Variants in CRYBG1 observed in about 807,000 individuals in gnomAD.
CRYBG1 encodes crystallin beta-gamma domain containing 1.
Under a neutral mutation model 189.2 loss-of-function variants are expected in CRYBG1, and 139 were observed. The ratio of observed to expected loss-of-function variants is 0.73; its 90% CI spans 0.64 to 0.85. The LOEUF (loss-of-function observed/expected upper bound fraction) is 0.85, where lower values mean the gene tolerates loss of function less well. Ranked by LOEUF, CRYBG1 falls within the 40% of genes least tolerant of loss-of-function variation. The probability of loss-of-function intolerance (pLI) is 0.00; values close to 1 mark genes in which losing one functional copy is unlikely to be tolerated. For synonymous variants in CRYBG1, 1,023 were observed against 1,017.1 expected (o/e 1.01, Z -0.11); for missense variants, 2,611 against 2,675.8 (o/e 0.98, Z 0.53).
Position 106,555,864 on chromosome 6 carries a change from A to G in CRYBG1, c.5682A>G (p.Gly1894=). The G allele has an allele frequency of 6.2e-7, 1 of 1,614,196 alleles. No individual in the cohort carries two copies. The highest frequency in any genetic ancestry group is 8.5e-7 in the Non-Finnish European group (1 of 1,180,018). ...PCLSAMGCPP[G]ATFKSLRFID... is the part of the protein sequence containing the mutation. ...TGTCTGCAATGGGATGCCCGCCTGG[A>G]GCAACTTTCAAGTCTCTTCGTTTTA... is the stretch of plus-strand genomic sequence containing the variant. Residue 1894 remains glycine (G), a synonymous_variant, in exon 17 of 22, where the codon GGA becomes GGG. Transcript: ENST00000633556.
At chr6:106,504,186 C>T (rs1000549812) in intron 2 of CRYBG1, among the ~76,000 whole-genome samples, 2 of 152,100 alleles carry the variant, frequency 1.3e-5, no homozygotes, top group Non-Finnish European at 2.9e-5. Flanking sequence ...TTAGAAGCAG[C>T]ATGGGGCAAG....
At chr6:106,386,496 A>T (rs144476100) in intron 1 of CRYBG1, among the ~76,000 whole-genome samples, 617 of 152,310 alleles carry the variant, frequency 4.1e-3, no homozygotes, top group Non-Finnish European at 7.4e-3. Context: ...TAGGGTTTTG[A>T]TATGAGTCTG....
At chr6:106,495,192 G>A (rs1772817977) in intron 2 of CRYBG1, among the ~76,000 whole-genome samples, 1 of 152,170 alleles carries the variant, frequency 6.6e-6, no homozygotes, top group African/African-American at 2.4e-5. Flanking sequence ...GTCAGTGTCT[G>A]TCATTCAGCT....
At chr6:106,525,458 C>A in intron 6 of CRYBG1, 72 bp downstream of exon 6, 1 of 1,159,352 alleles carries the variant, frequency 8.6e-7, no homozygotes, top group Non-Finnish European at 1.3e-6. Flanking sequence ...TTTTAGTCCT[C>A]ACTACTAGTT....
Position 106,431,066 on chromosome 6 carries a change from C to A in CRYBG1, c.174-20628C>A, listed in dbSNP as rs183682437. Among the ~76,000 whole-genome samples the A allele has an allele frequency of 5.9e-5, 9 of 151,962 alleles. No individual in the cohort carries two copies. In the East Asian group the frequency reaches 1.7e-3, roughly 29 times the overall value. On this transcript the variant is annotated intron_variant, in intron 1 of 21. Coordinates refer to ENST00000633556, the MANE Select transcript of CRYBG1 (RefSeq NM_001371242.2). ...TAGTAGAGATGGGGTTTCACCATGT[C>A]AGCCAGGCTGGTCTCAAACTCCTGA...
chr6:106,451,669 A>T, intron 1 of CRYBG1, 25 bp from the exon 2 acceptor site: 1 of 1,526,610 alleles, frequency 6.6e-7, no homozygotes, highest in Non-Finnish European at 8.8e-7. Flanking sequence ...GTGTATTGAC[A>T]TGACTGTGGT....
In CRYBG1 at chr6:106,388,141, A is replaced by G. The variant is rs1468099626; in HGVS notation, c.173+27060A>G. Among the ~76,000 whole-genome samples, 4 of 152,304 alleles carry G rather than the reference A, an allele frequency of 2.6e-5. No homozygotes were observed. The East Asian group carries it at 5.8e-4, about 22-fold the overall frequency. On this transcript the variant is annotated intron_variant, in intron 1 of 21. Coordinates refer to ENST00000633556, the MANE Select transcript of CRYBG1 (RefSeq NM_001371242.2). Reference sequence around the variant, plus strand: ...CCTCACCATGAACCTGGCTTGTGCTACGAATCCTTTTCAAGCTCCTGCTGC... The same window carrying G: ...CCTCACCATGAACCTGGCTTGTGCTGCGAATCCTTTTCAAGCTCCTGCTGC...
chr6:106,395,007 C>T (rs1770577680), intron 1 of CRYBG1, among the ~76,000 whole-genome samples: 1 of 151,640 alleles, frequency 6.6e-6, no homozygotes, highest in Non-Finnish European at 1.5e-5. Flanking sequence ...AGGCATAAGC[C>T]ACCACACCTG....
At chr6:106,552,582 C>CAAAAAAAAAAA (rs58470981) in intron 15 of CRYBG1, among the ~76,000 whole-genome samples, 1 of 67,622 alleles carries the variant, frequency 1.5e-5, no homozygotes, top group Non-Finnish European at 2.7e-5. Context: ...GACTCTGTCT[C>CAAAAAAAAAAA]AAAAAAAAAA....
intron 1 of CRYBG1, among the ~76,000 whole-genome samples, chr6:106,393,009 A>C (rs1240269904): frequency 6.6e-6 from 1 of 152,156 alleles, no homozygotes; most frequent in African/African-American, 2.4e-5. Context: ...TCCTGACCTC[A>C]AGTGATCCGC....
chr6:106,369,660 GC>G (rs1769975705), intron 1 of CRYBG1, among the ~76,000 whole-genome samples: 1 of 152,210 alleles, frequency 6.6e-6, no homozygotes, highest in Non-Finnish European at 1.5e-5. Flanking sequence ...AATAGAGGAA[GC>G]ATGTGCTTTA....
chr6:106,489,948 A>G (rs1772682484), intron 2 of CRYBG1, among the ~76,000 whole-genome samples: 1 of 152,218 alleles, frequency 6.6e-6, no homozygotes, highest in African/African-American at 2.4e-5. Context: ...TATCTGGAGA[A>G]ACAGAGATTA....
At chr6:106,526,438 T>G (rs958834836) in intron 6 of CRYBG1, among the ~76,000 whole-genome samples, 21 of 152,310 alleles carry the variant, frequency 1.4e-4, no homozygotes, top group African/African-American at 5.1e-4. Flanking sequence ...TTTTGCAACT[T>G]TTGTCGGCTT....
intron 2 of CRYBG1, among the ~76,000 whole-genome samples, chr6:106,494,780 T>G (rs1772806481): frequency 6.6e-6 from 1 of 152,212 alleles, no homozygotes; most frequent in South Asian, 2.1e-4. Context: ...GTTGCATGCT[T>G]GGACACATTT....
intron 1 of CRYBG1, among the ~76,000 whole-genome samples, chr6:106,416,594 A>G (rs899933903): frequency 1.3e-5 from 2 of 152,242 alleles, no homozygotes; most frequent in African/African-American, 4.8e-5. Flanking sequence ...TCTCCAATGT[A>G]GAGCTTTGGC....
At chr6:106,510,699 C>T (rs1437195846) in intron 2 of CRYBG1, among the ~76,000 whole-genome samples, 1 of 152,224 alleles carries the variant, frequency 6.6e-6, no homozygotes, top group Admixed American at 6.5e-5. Flanking sequence ...CCTGCAACCT[C>T]GCCCGCTACC....
At chr6:106,369,639 T>C (rs1769975329) in intron 1 of CRYBG1, among the ~76,000 whole-genome samples, 1 of 152,208 alleles carries the variant, frequency 6.6e-6, no homozygotes, top group African/African-American at 2.4e-5. Context: ...ATGCTGCATA[T>C]AAGATAAGAA....
chr6:106,506,114 A>G (rs1007439816), intron 2 of CRYBG1, among the ~76,000 whole-genome samples: 1 of 152,228 alleles, frequency 6.6e-6, no homozygotes, highest in Non-Finnish European at 1.5e-5. Flanking sequence ...TAAAGCTGCC[A>G]AGTCTTGACC....
In CRYBG1 at chr6:106,541,585, G is replaced by A. The variant is rs1426924997; in HGVS notation, c.4846-1G>A. 1.2e-6 allele frequency: 2 copies of A among 1,611,608 alleles called. No individual in the cohort carries two copies. Among genetic ancestry groups the A allele is most frequent in the South Asian group, 1.1e-5 (1 of 90,934 alleles). ...TTTTCTTACTATGTTGTTTTTTTCA[G>A]GGTGGCCGTAAAGTTGAATTCCCTA... On this transcript the variant is annotated splice_acceptor_variant, in intron 9 of 21. Transcript: ENST00000633556. LOFTEE classifies it high-confidence loss of function.
Sources: gnomAD v4.1 joint callset for allele counts (sites outside exome capture counted in the v4.1 genomes callset) on GRCh38, gnomAD v4.1.1 for gene constraint, MANE v1.5 for transcripts, NCBI Gene and HGNC (gene_info 2026-07-23, HGNC 2026-07-21) for gene names.